FMN1: variants seen among roughly 807,000 people sequenced by gnomAD.
FMN1 encodes the protein formin-1.
Under a neutral mutation model 132.4 loss-of-function variants are expected in FMN1, and 110 were observed. The ratio of observed to expected loss-of-function variants is 0.83; its 90% CI spans 0.71 to 0.97. The LOEUF is 0.97. Among genes scored for constraint, FMN1 ranks in the 50% least tolerant of loss-of-function variants. The pLI is 0.00. For synonymous variants in FMN1, 722 were observed against 651.7 expected (o/e 1.11, Z -1.64); for missense variants, 1,792 against 1,705.3 (o/e 1.05, Z -0.90).
intron 5 of FMN1, among the ~76,000 whole-genome samples, chr15:33,083,105 G>A (rs905021071): frequency 1.3e-5 from 2 of 152,104 alleles, no homozygotes; most frequent in African/African-American, 4.8e-5. Flanking sequence ...TACCAGTTGT[G>A]TGATATACTG....
In FMN1 at chr15:32,887,888, G is replaced by A. The variant is rs539954269; in HGVS notation, c.3835+284C>T. ...AGTAAGCATCTAGTAAATGGTTACT[G>A]CTATTATCATTAATAATGTTATAAC... On this transcript the variant is annotated intron_variant, in intron 16 of 20. Coordinates refer to ENST00000616417, the MANE Select transcript of FMN1 (RefSeq NM_001277313.2). 2.6e-5 allele frequency among the ~76,000 whole-genome samples: 4 copies of A among 152,210 alleles called. No homozygotes were observed. In the East Asian group the frequency reaches 5.8e-4, roughly 22 times the overall value.
intron 17 of FMN1, among the ~76,000 whole-genome samples, chr15:32,849,929 T>C (rs1292751357): frequency 1.3e-5 from 2 of 152,226 alleles, no homozygotes; most frequent in East Asian, 3.9e-4. Flanking sequence ...AGTGCAGGGA[T>C]TACAGGCTTA....
In FMN1 at chr15:32,768,073, G is replaced by A. The variant is rs987568580; in HGVS notation, c.*6237C>T. On this transcript the variant is annotated 3_prime_UTR_variant, in exon 21 of 21. Coordinates refer to ENST00000616417, the MANE Select transcript of FMN1 (RefSeq NM_001277313.2). The stretch of plus-strand genomic sequence containing the variant: ...TCAAATGTCCTTTTAGTCCCTTACT[G>A]GGAAGAGCAGTATAATTTTTGTATG... 4 of 152,118 alleles carry A rather than the reference G, an allele frequency of 2.6e-5. No homozygotes were observed. Among genetic ancestry groups the A allele is most frequent in the African/African-American group, 4.8e-5 (2 of 41,416 alleles). The allele number at this position is 152,118 out of a possible 1,614,324, so 9.4% of individuals were successfully genotyped here. A position where few individuals can be genotyped will look rare whatever the true frequency, so the allele number is the denominator to read the frequency against.
chr15:32,990,923 T>C (rs1242472013), intron 7 of FMN1, among the ~76,000 whole-genome samples: 1 of 152,140 alleles, frequency 6.6e-6, no homozygotes, highest in East Asian at 1.9e-4. Flanking sequence ...GCTCCCATGA[T>C]TTAATTACCT....
At chr15:32,874,955 A>G (rs1241813870) in intron 16 of FMN1, among the ~76,000 whole-genome samples, 1 of 152,212 alleles carries the variant, frequency 6.6e-6, no homozygotes, top group East Asian at 1.9e-4. Context: ...TAGCCATTAT[A>G]AATGTTCCTT....
chr15:33,079,290 C>T (rs938674830), intron 5 of FMN1, among the ~76,000 whole-genome samples: 1 of 152,126 alleles, frequency 6.6e-6, no homozygotes, highest in Non-Finnish European at 1.5e-5. Context: ...TAAGGTGATG[C>T]AATAATTTAG....
At chr15:32,818,056 A>G (rs1014681968) in intron 17 of FMN1, among the ~76,000 whole-genome samples, 14 of 152,236 alleles carry the variant, frequency 9.2e-5, no homozygotes, top group African/African-American at 2.7e-4. Context: ...AAAGCAGTGC[A>G]TAAGACTTTC....
intron 6 of FMN1, among the ~76,000 whole-genome samples, chr15:33,026,788 T>C (rs1371041953): frequency 1.3e-5 from 2 of 152,072 alleles, no homozygotes; most frequent in Non-Finnish European, 2.9e-5. Context: ...AGAGTGGAAT[T>C]TTCTAGTAAA....
intron 4 of FMN1, among the ~76,000 whole-genome samples, chr15:33,110,719 GTC>G (rs1458713974): frequency 6.6e-6 from 1 of 151,294 alleles, no homozygotes; most frequent in Non-Finnish European, 1.5e-5. Context: ...ATGACTAACA[GTC>G]TTTTATTTAA....
chr15:33,098,404 C>A (rs1050564910), intron 4 of FMN1, among the ~76,000 whole-genome samples: 1 of 152,194 alleles, frequency 6.6e-6, no homozygotes, highest in Non-Finnish European at 1.5e-5. Flanking sequence ...CCACCTCCCC[C>A]TCTCTAGGCT....
chr15:33,043,588 GT>G (rs35089702), intron 6 of FMN1, among the ~76,000 whole-genome samples: 3 of 152,212 alleles, frequency 2.0e-5, no homozygotes, highest in African/African-American at 4.8e-5. Context: ...TTTGGCTGAA[GT>G]TTTTTTAACA....
At chr15:32,997,120 A>G (rs1208130524) in intron 7 of FMN1, among the ~76,000 whole-genome samples, 3 of 152,210 alleles carry the variant, frequency 2.0e-5, no homozygotes. Flanking sequence ...CATCAAGATT[A>G]TGGTGACAAG....
chr15:32,842,463 T>G (rs1456310730), intron 17 of FMN1, among the ~76,000 whole-genome samples: 3 of 152,236 alleles, frequency 2.0e-5, no homozygotes, highest in African/African-American at 7.2e-5. Context: ...TGTAGCCTAC[T>G]AAGTTTTGAG....
intron 9 of FMN1, among the ~76,000 whole-genome samples, chr15:32,930,552 G>A (rs1316611852): frequency 6.6e-6 from 1 of 151,984 alleles, no homozygotes; most frequent in Non-Finnish European, 1.5e-5. Context: ...CTTTTTTGGA[G>A]AAATGTTTGG....
At chr15:32,963,067 A>C (rs1007649164) in intron 9 of FMN1, among the ~76,000 whole-genome samples, 3 of 147,642 alleles carry the variant, frequency 2.0e-5, no homozygotes, top group Admixed American at 2.0e-4. Flanking sequence ...GGCATTATTC[A>C]CAATAGCAAA....
intron 8 of FMN1, among the ~76,000 whole-genome samples, chr15:32,967,408 T>C (rs939614876): frequency 1.4e-4 from 22 of 152,164 alleles, no homozygotes; most frequent in Non-Finnish European, 3.1e-4. Flanking sequence ...AGGTGGGAGC[T>C]ATTGCCCTGG....
chr15:33,052,011 G>C (rs1401065103), intron 6 of FMN1, among the ~76,000 whole-genome samples: 1 of 152,146 alleles, frequency 6.6e-6, no homozygotes, highest in Non-Finnish European at 1.5e-5. Context: ...TCACTCTGCT[G>C]CCTTATGTCC....
chr15:33,018,588 C>T (rs2035214353), intron 6 of FMN1, among the ~76,000 whole-genome samples: 1 of 152,188 alleles, frequency 6.6e-6, no homozygotes. Flanking sequence ...CTCTACGGCC[C>T]TTCCCCCGTA....
At chr15:33,027,369 A>T (rs1412583001) in intron 6 of FMN1, among the ~76,000 whole-genome samples, 1 of 152,224 alleles carries the variant, frequency 6.6e-6, no homozygotes, top group Non-Finnish European at 1.5e-5. Flanking sequence ...TATTTGAAAT[A>T]TACTAAGTAA....
Sources: allele counts gnomAD v4.1 joint callset (sites outside exome capture counted in the v4.1 genomes callset), GRCh38; gene constraint gnomAD v4.1.1; transcripts MANE v1.5; gene names NCBI Gene and HGNC (gene_info 2026-07-23, HGNC 2026-07-21).